Variants in DST observed in about 807,000 individuals in gnomAD.
The protein encoded by DST is bullous pemphigoid antigen.
A neutral mutation model predicts 875.2 loss-of-function variants in DST; 253 were observed. The ratio of observed to expected loss-of-function variants is 0.29; its 90% CI spans 0.26 to 0.32. The LOEUF (loss-of-function observed/expected upper bound fraction) is 0.32, where lower values mean the gene tolerates loss of function less well. Ranked by LOEUF, DST falls within the 10% of genes least tolerant of loss-of-function variation. The pLI is 1.00. For missense variants in DST, 8,287 were observed against 9,111.6 expected, an observed-to-expected ratio of 0.91 and a Z score of 3.68; for synonymous variants, 3,124 against 3,197.1, an observed-to-expected ratio of 0.98 and a Z score of 0.77.
At position 56,515,545 on chromosome 6, in the gene DST, A is replaced by G. The variant is rs2096571066; in HGVS notation, c.18481T>C (p.Trp6161Arg). ...NQFWETYEELWPWLTETQSII... is the reference protein window; with the variant it reads ...NQFWETYEELRPWLTETQSII... Reference sequence around the variant, plus strand: ...GATTGTGTTTCTGTCAGCCATGGCCAAAGTTCTTCATATGTTTCCCAGAAT... The same window carrying G: ...GATTGTGTTTCTGTCAGCCATGGCCGAAGTTCTTCATATGTTTCCCAGAAT... Residue 6161 changes from tryptophan (W) to arginine (R), a missense_variant, in exon 72 of 104, where the codon TGG (tryptophan) becomes CGG (arginine). This residue lies in a region of DST where 1,292 missense variants were observed against 1,552.7 expected (regional missense o/e 0.83). Transcript: ENST00000680361. 1 of 1,613,964 alleles carries G rather than the reference A, an allele frequency of 6.2e-7. No individual in the cohort carries two copies. The highest frequency in any genetic ancestry group is 1.7e-5 in the Admixed American group (1 of 60,006).
intron 61 of DST, among the ~76,000 whole-genome samples, chr6:56,546,476 GA>G (rs564177169): frequency 1.9e-4 from 24 of 126,388 alleles, no homozygotes; most frequent in Middle Eastern, 4.5e-3. Flanking sequence ...TTTCTTCAGA[GA>G]AAAAAAAAAA....
chr6:56,500,335 T>C (rs1391630548), intron 80 of DST, among the ~76,000 whole-genome samples: 2 of 152,092 alleles, frequency 1.3e-5, no homozygotes, highest in East Asian at 3.9e-4. Flanking sequence ...ATCCATTAAG[T>C]CTAGTGACTG....
intron 73 of DST, among the ~76,000 whole-genome samples, chr6:56,510,306 G>A (rs1354226649): frequency 1.3e-5 from 2 of 151,930 alleles, no homozygotes; most frequent in Admixed American, 1.3e-4. Flanking sequence ...GAACTATTAT[G>A]GCATCCTGAA....
intron 49 of DST, among the ~76,000 whole-genome samples, chr6:56,580,527 G>T (rs376695034): frequency 4.0e-5 from 6 of 151,050 alleles, no homozygotes; most frequent in African/African-American, 1.5e-4. Context: ...TTCCAGCCTG[G>T]GTGACAGAGT....
intron 36 of DST, chr6:56,618,312 T>C: frequency 6.2e-7 from 1 of 1,614,202 alleles, no homozygotes; most frequent in Non-Finnish European, 8.5e-7. Context: ...AGAGGGGATC[T>C]GGGTGTTGGG....
At chr6:56,725,362 A>T (rs1476188280) in intron 5 of DST, among the ~76,000 whole-genome samples, 1 of 152,162 alleles carries the variant, frequency 6.6e-6, no homozygotes, top group African/African-American at 2.4e-5. Flanking sequence ...ATTCCACTGG[A>T]GATTTATTTC....
chr6:56,509,940 G>C, intron 73 of DST, 67 bp from the exon 74 acceptor site: 1 of 1,238,284 alleles, frequency 8.1e-7, no homozygotes, highest in South Asian at 1.7e-5. Context: ...AAATTTAAAT[G>C]AAAAAACATT....
At chr6:56,654,586 C>CTATACATATATATATATATATATATA (rs2098994061) in intron 10 of DST, among the ~76,000 whole-genome samples, 1 of 133,298 alleles carries the variant, frequency 7.5e-6, no homozygotes, top group African/African-American at 3.4e-5. Flanking sequence ...CTCCCCTAGG[C>CTATACATATATATATATATATATATA]TATATATATA....
Position 56,784,952 on chromosome 6 carries a change from C to T in DST, c.626-49663G>A, listed in dbSNP as rs201860033. Among the ~76,000 whole-genome samples the T allele has an allele frequency of 4.6e-3, 693 of 152,278 alleles. 9 individuals carry two copies. In the East Asian group the frequency reaches 0.053, roughly 12 times the overall value. On this transcript the variant is annotated intron_variant, in intron 4 of 103. Transcript: ENST00000680361. Reference sequence around the variant, plus strand: ...TTAGTTTTCCTTCTAACAGACAGGACCCTCAGCTGCAGGTCTGTTGGAATT... The same window carrying T: ...TTAGTTTTCCTTCTAACAGACAGGATCCTCAGCTGCAGGTCTGTTGGAATT...
chr6:56,620,350 T>A (rs1387768677), intron 36 of DST: 1 of 1,614,198 alleles, frequency 6.2e-7, no homozygotes, highest in East Asian at 2.2e-5. Flanking sequence ...CCACGGCAGC[T>A]CTTTTAGCCT....
At chr6:56,547,607 T>C (rs995321260) in intron 61 of DST, among the ~76,000 whole-genome samples, 2 of 152,232 alleles carry the variant, frequency 1.3e-5, no homozygotes, top group African/African-American at 4.8e-5. Context: ...CATTGACCTC[T>C]ATATAACAAT....
intron 36 of DST, among the ~76,000 whole-genome samples, chr6:56,621,879 C>T (rs745924108): frequency 1.7e-4 from 26 of 152,148 alleles, no homozygotes; most frequent in Non-Finnish European, 3.4e-4. Context: ...ACAGACCATA[C>T]ATCTTATTTT....
intron 19 of DST, 42 bp from the exon 20 acceptor site, chr6:56,639,815 A>C: frequency 6.3e-7 from 1 of 1,591,446 alleles, no homozygotes; most frequent in Non-Finnish European, 8.6e-7. Flanking sequence ...CAGGAATCTG[A>C]AGGAATTCTG....
Position 56,605,447 on chromosome 6 carries a change from G to A in DST, c.9181C>T (p.Leu3061Phe). ...QKMYLGEGEVLVEGLVEEENR... is the reference protein window; with the variant it reads ...QKMYLGEGEVFVEGLVEEENR... ...TCTTCTTCTACTAGACCTTCTACAAGCACTTCTCCTTCACCCAAGTACATT... is the reference window on the plus strand; with the variant it reads ...TCTTCTTCTACTAGACCTTCTACAAACACTTCTCCTTCACCCAAGTACATT... The change falls in exon 40 of 104, where the codon CTT becomes TTT. Residue 3061 changes from leucine (L) to phenylalanine (F), a missense_variant. Transcript: ENST00000680361. 6.2e-7 allele frequency: 1 copy of A among 1,612,816 alleles called. No homozygotes were observed. Among genetic ancestry groups the A allele is most frequent in the South Asian group, 1.1e-5 (1 of 91,034 alleles).
At chr6:56,623,674 C>A (rs188908173) in intron 36 of DST, among the ~76,000 whole-genome samples, 1 of 152,032 alleles carries the variant, frequency 6.6e-6, no homozygotes, top group African/African-American at 2.4e-5. Context: ...AACAACAGTC[C>A]AATTTAAAAT....
intron 2 of DST, among the ~76,000 whole-genome samples, chr6:56,943,359 A>G (rs1817664094): frequency 6.6e-6 from 1 of 151,432 alleles, no homozygotes; most frequent in Non-Finnish European, 1.5e-5. Context: ...AAAACTCTCA[A>G]AGGATGAAAG....
At chr6:56,761,244 T>C (rs1475917700) in intron 4 of DST, among the ~76,000 whole-genome samples, 3 of 152,228 alleles carry the variant, frequency 2.0e-5, no homozygotes, top group African/African-American at 7.2e-5. Flanking sequence ...GGGCAACATC[T>C]GAACTTTAAC....
chr6:56,502,755 A>T (rs1242547923), intron 78 of DST, among the ~76,000 whole-genome samples: 1 of 152,194 alleles, frequency 6.6e-6, no homozygotes, highest in Non-Finnish European at 1.5e-5. Flanking sequence ...AGTGGTAAGG[A>T]TAAAATTCTC....
chr6:56,617,022 C>G, intron 36 of DST: 1 of 1,612,816 alleles, frequency 6.2e-7, no homozygotes, highest in Non-Finnish European at 8.5e-7. Flanking sequence ...GAAATCTTTT[C>G]TTTTGTAGAT....
Sources: allele counts gnomAD v4.1 joint callset (sites outside exome capture counted in the v4.1 genomes callset), GRCh38; gene constraint gnomAD v4.1.1; regional missense constraint gnomAD v4.1.1; transcripts MANE v1.5; gene names NCBI Gene and HGNC (gene_info 2026-07-23, HGNC 2026-07-21).